CADM4: variants seen among roughly 807,000 people sequenced by gnomAD.
CADM4 encodes cell adhesion molecule 4.
In CADM4, 13 loss-of-function variants were observed where a neutral mutation model predicts 43.9. The observed-to-expected ratio is 0.30, with a 90% CI of 0.19 to 0.47. The LOEUF (loss-of-function observed/expected upper bound fraction) is 0.47, where lower values mean the gene tolerates loss of function less well. Among genes scored for constraint, CADM4 ranks in the 20% least tolerant of loss-of-function variants. The pLI, the probability that CADM4 is intolerant of heterozygous loss-of-function variation, is 1.00. For missense variants in CADM4, 420 were observed against 527.0 expected (o/e 0.80, Z 1.99); for synonymous variants, 209 against 220.9 (o/e 0.95, Z 0.48).
In CADM4 at chr19:43,624,199, G is replaced by T. The variant is rs1362080466; in HGVS notation, c.972C>A (p.Ala324=). Residue 324 remains alanine, a synonymous_variant, in exon 8 of 9, where the codon GCC becomes GCA. Transcript: ENST00000222374. ...GCAGCGCCAGGATGCCGCCCACAAT[G>T]GCATAGGGAACCGACGTCTGAGCCT... The part of the protein sequence containing the change: ...VVEAQTSVPY[A]IVGGILALLV... 3.1e-6 allele frequency: 5 copies of T among 1,614,078 alleles called. No individual in the cohort carries two copies. The African/African-American group carries it at 5.3e-5, about 17-fold the overall frequency.
rs1362217266 is a variant in CADM4, at chr19:43,625,986, C to T, written c.680G>A (p.Arg227Gln). Residue 227 changes from arginine to glutamine, a missense_variant, in exon 6 of 9, where the codon CGG (arginine) becomes CAG (glutamine). By Grantham distance (43) the Arg-to-Gln change is conservative (BLOSUM62 1). Coordinates refer to ENST00000222374, the MANE Select transcript of CADM4 (RefSeq NM_145296.2). The surrounding 1 kb of genome is among the most constrained non-coding windows in gnomAD (Gnocchi z 4.5). ...CACCACAGCTTGGGAGGCATGAATC[C>T]GGGCCGTGGGGGAGTCTGTTAGGCA... is the stretch of plus-strand genomic sequence containing the variant. Reference protein sequence around the residue: ...VLDVQYSPTARIHASQAVVRE... With the variant: ...VLDVQYSPTAQIHASQAVVRE... 1.2e-6 allele frequency: 2 copies of T among 1,614,140 alleles called. No individual in the cohort carries two copies. Among genetic ancestry groups the T allele is most frequent in the Admixed American group, 1.7e-5 (1 of 60,008 alleles).
rs1555777268 is a variant in CADM4 at position 43,633,664 on chromosome 19, C to CTCTT, written c.65-5878_65-5875dup. On this transcript the variant is annotated intron_variant, in intron 1 of 8. Coordinates refer to ENST00000222374, the MANE Select transcript of CADM4 (RefSeq NM_145296.2). ...CTTTTTTCTTTCTCTCTTTCTCTCTCTCTTTCTTTCTCTTTCTTTCTTTTT... is the reference window on the plus strand; with the variant it reads ...CTTTTTTCTTTCTCTCTTTCTCTCTCTCTTTCTTTCTTTCTCTTTCTTTCTTTTT... Among the ~76,000 whole-genome samples the CTCTT allele has an allele frequency of 3.4e-5, 5 of 148,458 alleles. No individual in the cohort carries two copies. The South Asian group carries it at 6.5e-4, about 19-fold the overall frequency.
rs1332124012 is a variant in CADM4 at position 43,622,520 on chromosome 19, A to AG, written c.*809dup. On this transcript the variant is annotated 3_prime_UTR_variant, in exon 9 of 9. Transcript: ENST00000222374. ...GGGGGCAAAAGCCAGGAATGGGGAG[A>AG]GGGGGGTGCAATCTGATATTTTCAT... 2 of 151,956 alleles carry AG rather than the reference A, an allele frequency of 1.3e-5. No individual in the cohort carries two copies. The highest frequency in any genetic ancestry group is 4.8e-5 in the African/African-American group (2 of 41,322). The allele number at this position is 151,956 out of a possible 1,614,324, so 9.4% of individuals were successfully genotyped here.
intron 1 of CADM4, among the ~76,000 whole-genome samples, chr19:43,630,612 T>C (rs1973608269): frequency 6.6e-6 from 1 of 152,108 alleles, no homozygotes; most frequent in Admixed American, 6.6e-5. Flanking sequence ...GTGAGAAAAT[T>C]GGCCCACAGA....
At chr19:43,632,488 T>C (rs1456519363) in intron 1 of CADM4, among the ~76,000 whole-genome samples, 1 of 152,118 alleles carries the variant, frequency 6.6e-6, no homozygotes, top group Non-Finnish European at 1.5e-5. Context: ...ACATGTAGAA[T>C]AAAATAGAGA....
upstream of CADM4, among the ~76,000 whole-genome samples, chr19:43,640,898 G>A (rs1472133238): frequency 1.3e-5 from 2 of 152,040 alleles, no homozygotes; most frequent in Non-Finnish European, 2.9e-5. Flanking sequence ...AGAAGGCCTC[G>A]ACCTCTCTCA....
chr19:43,635,418 C>G (rs899929471), intron 1 of CADM4, among the ~76,000 whole-genome samples: 1 of 151,618 alleles, frequency 6.6e-6, no homozygotes, highest in Non-Finnish European at 1.5e-5. Context: ...TTCGCAGGAC[C>G]TAGGCGTCAG....
intron 1 of CADM4, among the ~76,000 whole-genome samples, chr19:43,630,056 A>C: frequency 6.6e-6 from 1 of 151,714 alleles, no homozygotes; most frequent in South Asian, 2.1e-4. Flanking sequence ...CAGGTGCACA[A>C]CATCACACCT....
rs1252038381 is a variant in CADM4, at chr19:43,623,582, G to A, written c.1058-143C>T. The A allele has an allele frequency of 4.4e-6, 3 of 674,904 alleles. No homozygotes were observed. In the East Asian group the frequency reaches 8.0e-5, roughly 18 times the overall value. The allele number at this position is 674,904 out of a possible 1,614,324, so 41.8% of individuals were successfully genotyped here. A position where few individuals can be genotyped will look rare whatever the true frequency, so the allele number is the denominator to read the frequency against. On this transcript the variant is annotated intron_variant, in intron 8 of 8. Coordinates refer to ENST00000222374, the MANE Select transcript of CADM4 (RefSeq NM_145296.2). The surrounding 1 kb of genome is among the most constrained non-coding windows in gnomAD (Gnocchi z 4.4). The stretch of plus-strand genomic sequence containing the variant: ...GAAACGGAACACACAGGGAGAGGCA[G>A]AGAAAGAGGTAAACAGTGGCAGAGA...
chr19:43,639,124 CGAGACA>C (rs1377506523), intron 1 of CADM4, among the ~76,000 whole-genome samples: 1 of 150,586 alleles, frequency 6.6e-6, no homozygotes, highest in Non-Finnish European at 1.5e-5. Flanking sequence ...AGGGTGACAG[CGAGACA>C]GAGACAGGGA....
chr19:43,641,544 A>C (rs1344496143), upstream of CADM4, among the ~76,000 whole-genome samples: 1 of 148,134 alleles, frequency 6.8e-6, no homozygotes, highest in African/African-American at 2.5e-5. Flanking sequence ...ACCCCTGTGA[A>C]GCAGGACCAT....
At chr19:43,641,489 C>T (rs570451713), upstream of CADM4, among the ~76,000 whole-genome samples, 5 of 151,478 alleles carry the variant, frequency 3.3e-5, no homozygotes, top group South Asian at 6.3e-4. Context: ...CTCAGGACCA[C>T]GGCTCCCAGC....
rs571239983 is a variant in CADM4 at position 43,625,562 on chromosome 19, C to T, written c.756-312G>A. ...CAGCCTGGGCAACACAGGGAGACCC[C>T]GTCACTACAATTAAAAAATAATAAT... is the stretch of plus-strand genomic sequence containing the variant. On this transcript the variant is annotated intron_variant, in intron 6 of 8. Coordinates refer to ENST00000222374, the MANE Select transcript of CADM4 (RefSeq NM_145296.2). The surrounding 1 kb of genome is among the most constrained non-coding windows in gnomAD (Gnocchi z 4.5). Among the ~76,000 whole-genome samples, 3 of 149,752 alleles carry T rather than the reference C, an allele frequency of 2.0e-5. No individual in the cohort carries two copies.
chr19:43,636,049 C>A (rs532857955), intron 1 of CADM4, among the ~76,000 whole-genome samples: 3 of 151,756 alleles, frequency 2.0e-5, no homozygotes, highest in Admixed American at 6.6e-5. Flanking sequence ...AGGCCCCCAG[C>A]CCCTCCTCCA....
At chr19:43,634,661 G>A (rs1381514990) in intron 1 of CADM4, among the ~76,000 whole-genome samples, 4 of 152,100 alleles carry the variant, frequency 2.6e-5, no homozygotes, top group Non-Finnish European at 4.4e-5. Flanking sequence ...TGGGGACTGA[G>A]GCACTGGCCC....
chr19:43,637,802 G>C (rs1278280601), intron 1 of CADM4, among the ~76,000 whole-genome samples: 1 of 152,112 alleles, frequency 6.6e-6, no homozygotes, highest in African/African-American at 2.4e-5. Flanking sequence ...GGAACTCCAA[G>C]ACATCAAGAT....
rs1204103830 is a variant in CADM4, at chr19:43,623,577, AGGCAGAGAAAGAGGTAAACAGT to A, written c.1058-160_1058-139del. On this transcript the variant is annotated intron_variant, in intron 8 of 8. Transcript: ENST00000222374. This position sits in a 1 kb window ranked among gnomAD's most constrained non-coding sequence, Gnocchi z 4.4. ...AGGGAGAAACGGAACACACAGGGAG[AGGCAGAGAAAGAGGTAAACAGT>A]GGCAGAGAAAGAGGTAAAAGCAGAA... is the stretch of plus-strand genomic sequence containing the variant. 1.4e-3 allele frequency: 927 copies of A among 683,090 alleles called. 26 individuals carry two copies. In the East Asian group the frequency reaches 0.023, roughly 17 times the overall value. 42.3% of individuals were successfully genotyped at this position (683,090 alleles called of 1,614,324 possible).
In CADM4 at chr19:43,627,107, A is replaced by G. The variant is rs1244739113; in HGVS notation, c.364+59T>C. 6.6e-7 allele frequency: 1 copy of G among 1,512,818 alleles called. No individual in the cohort carries two copies. The highest frequency in any genetic ancestry group is 1.4e-5 in the African/African-American group (1 of 69,764). The allele number at this position is 1,512,818 out of a possible 1,614,324, so 93.7% of individuals were successfully genotyped here. Reference sequence around the variant, plus strand: ...AGCCATGGTCTGAAAGTCTCAGGAGAAGAGAGAAGCAGAGAAGAAAGGAGG... The same window carrying G: ...AGCCATGGTCTGAAAGTCTCAGGAGGAGAGAGAAGCAGAGAAGAAAGGAGG... On this transcript the variant is annotated intron_variant, in intron 3 of 8. Coordinates refer to ENST00000222374, the MANE Select transcript of CADM4 (RefSeq NM_145296.2). This position sits in a 1 kb window ranked among gnomAD's most constrained non-coding sequence, Gnocchi z 4.0.
In CADM4 at chr19:43,627,583, G is replaced by T. The variant is rs1973550119; in HGVS notation, c.211+61C>A. On this transcript the variant is annotated intron_variant, in intron 2 of 8. Coordinates refer to ENST00000222374, the MANE Select transcript of CADM4 (RefSeq NM_145296.2). The surrounding 1 kb of genome is among the most constrained non-coding windows in gnomAD (Gnocchi z 4.0). ...CAGGTGTGTCCTCTTTCAGGACATGGGAGCCTGGGCCCCAGCCCTCTCTTC... is the reference window on the plus strand; with the variant it reads ...CAGGTGTGTCCTCTTTCAGGACATGTGAGCCTGGGCCCCAGCCCTCTCTTC... 11 of 1,554,978 alleles carry T rather than the reference G, an allele frequency of 7.1e-6. No individual in the cohort carries two copies. The highest frequency in any genetic ancestry group is 1.8e-5 in the Admixed American group (1 of 56,514).
Sources: allele counts gnomAD v4.1 joint callset (sites outside exome capture counted in the v4.1 genomes callset), GRCh38; gene constraint gnomAD v4.1.1; non-coding constraint Gnocchi (gnomAD v3.1); transcripts MANE v1.5; gene names NCBI Gene and HGNC (gene_info 2026-07-23, HGNC 2026-07-21).